CDKL3: variants seen among roughly 807,000 people sequenced by gnomAD.
The protein encoded by CDKL3 is cyclin-dependent kinase-like 3.
A neutral mutation model predicts 69.3 loss-of-function variants in CDKL3; 65 were observed. That is an observed-to-expected ratio of 0.94 (90% CI 0.77 to 1.15). The LOEUF is 1.15. CDKL3 is among the 50% of genes most tolerant of loss of function. The pLI is 0.00. For missense variants in CDKL3, 652 were observed against 689.2 expected (o/e 0.95, Z 0.61); for synonymous variants, 202 against 221.6 (o/e 0.91, Z 0.79).
chr5:134,355,886 G>A (rs1386133026), intron 3 of CDKL3, among the ~76,000 whole-genome samples: 4 of 152,108 alleles, frequency 2.6e-5, no homozygotes, highest in Non-Finnish European at 4.4e-5. Context: ...TCTAGTCCCC[G>A]CTTCCATCAC....
At chr5:134,292,108 C>T (rs917135310) in intron 8 of CDKL3, among the ~76,000 whole-genome samples, 4 of 152,110 alleles carry the variant, frequency 2.6e-5, no homozygotes, top group Non-Finnish European at 4.4e-5. Context: ...TATTTAAATG[C>T]ACCATCAACC....
chr5:134,284,728 T>G (rs541614297), downstream of CDKL3, among the ~76,000 whole-genome samples: 1 of 152,320 alleles, frequency 6.6e-6, no homozygotes, highest in African/African-American at 2.4e-5. Context: ...CCCAGGGTTA[T>G]TCCTTGCTGG....
At chr5:134,324,990 G>A (rs912971212) in intron 4 of CDKL3, among the ~76,000 whole-genome samples, 1 of 152,092 alleles carries the variant, frequency 6.6e-6, no homozygotes, top group Non-Finnish European at 1.5e-5. Context: ...CCTAAAACTG[G>A]TCTAAAAATT....
rs913447726 is a variant in CDKL3 at position 134,299,767 on chromosome 5, A to G, written c.1720-1057T>C. On this transcript the variant is annotated intron_variant, in intron 12 of 12. Coordinates refer to ENST00000265334, the MANE Select transcript of CDKL3 (RefSeq NM_001113575.2). ...TCCTGTATTCTAAAAAGTAAATAGA[A>G]ACAGGTCTTTAATTGAGGACATGGT... 3.4e-6 allele frequency: 5 copies of G among 1,475,988 alleles called. No homozygotes were observed. In the African/African-American group the frequency reaches 5.6e-5, roughly 16 times the overall value. 91.4% of individuals were successfully genotyped at this position (1,475,988 alleles called of 1,614,324 possible). A position where few individuals can be genotyped will look rare whatever the true frequency, so the allele number is the denominator to read the frequency against.
intron 4 of CDKL3, among the ~76,000 whole-genome samples, chr5:134,336,662 G>C (rs535457371): frequency 6.6e-6 from 1 of 152,326 alleles, no homozygotes; most frequent in South Asian, 2.1e-4. Flanking sequence ...GGAGGCTGCA[G>C]AACAGCAAAT....
At chr5:134,323,567 AAT>A (rs1464417589) in intron 4 of CDKL3, among the ~76,000 whole-genome samples, 1 of 152,198 alleles carries the variant, frequency 6.6e-6, no homozygotes, top group Non-Finnish European at 1.5e-5. Flanking sequence ...GACTTGCACA[AAT>A]GTGCTCAACT....
chr5:134,328,356 C>T (rs1039714767), intron 4 of CDKL3, among the ~76,000 whole-genome samples: 14 of 151,836 alleles, frequency 9.2e-5, no homozygotes, highest in Admixed American at 6.6e-4. Context: ...AAAGAAGAAC[C>T]AAGTGGAAAC....
rs547813951 is a variant in CDKL3 at position 134,308,795 on chromosome 5, A to T, written c.882-68T>A. ...GCAGATGGAGTATTTTATCTTGAAT[A>T]AACCATTTCATCAATTAATGTACAT... On this transcript the variant is annotated intron_variant, in intron 7 of 12. Coordinates refer to ENST00000265334, the MANE Select transcript of CDKL3 (RefSeq NM_001113575.2). 3.6e-5 allele frequency: 46 copies of T among 1,291,468 alleles called. 2 individuals are homozygous for T. The South Asian group carries it at 7.1e-4, about 20-fold the overall frequency. The allele number at this position is 1,291,468 out of a possible 1,614,324, so 80.0% of individuals were successfully genotyped here.
intron 4 of CDKL3, among the ~76,000 whole-genome samples, chr5:134,344,158 G>T (rs1180469806): frequency 6.6e-6 from 1 of 152,152 alleles, no homozygotes; most frequent in Non-Finnish European, 1.5e-5. Context: ...AACTCAAATG[G>T]ATCAGACTTG....
intron 4 of CDKL3, among the ~76,000 whole-genome samples, chr5:134,334,196 CTCT>C (rs1013730986): frequency 1.3e-5 from 2 of 151,738 alleles, no homozygotes; most frequent in Non-Finnish European, 2.9e-5. Flanking sequence ...TGATTCTTCT[CTCT>C]TCTTTATTAG....
chr5:134,314,162 G>A (rs1029874845), intron 6 of CDKL3, among the ~76,000 whole-genome samples: 6 of 151,662 alleles, frequency 4.0e-5, no homozygotes, highest in South Asian at 2.1e-4. Context: ...AAAACAAAAC[G>A]AAACAAACAA....
chr5:134,367,368 CTTTTTTT>C (rs57811547), upstream of CDKL3: 187 of 780,210 alleles, frequency 2.4e-4, no homozygotes, highest in Non-Finnish European at 2.6e-4. Context: ...GGATCTGCAT[CTTTTTTT>C]TTTTTTTTTT....
chr5:134,351,340 TG>T (rs1196212295), intron 3 of CDKL3, among the ~76,000 whole-genome samples: 2 of 152,184 alleles, frequency 1.3e-5, no homozygotes, highest in Non-Finnish European at 2.9e-5. Flanking sequence ...TTTTGTCACT[TG>T]GTTATAGGGA....
upstream of CDKL3, chr5:134,371,293 C>T: frequency 1.9e-6 from 1 of 517,600 alleles, no homozygotes; most frequent in Non-Finnish European, 3.5e-6. Flanking sequence ...ACAGAGAACA[C>T]AAATTTGTCT....
intron 5 of CDKL3, 90 bp from the exon 6 acceptor site, chr5:134,319,587 C>G (rs1228528657): frequency 9.3e-7 from 1 of 1,072,278 alleles, no homozygotes; most frequent in Non-Finnish European, 1.3e-6. Flanking sequence ...TGTTAGATTA[C>G]TAAAAACTGA....
upstream of CDKL3, among the ~76,000 whole-genome samples, chr5:134,369,046 C>T (rs1758046266): frequency 6.6e-6 from 1 of 152,044 alleles, no homozygotes; most frequent in South Asian, 2.1e-4. Context: ...AAAAATTTGC[C>T]CAGGACAAAG....
In CDKL3 at chr5:134,308,371, C is replaced by T; in HGVS notation, c.1131G>A (p.Glu377=). 4 of 1,613,840 alleles carry T rather than the reference C, an allele frequency of 2.5e-6. No individual in the cohort carries two copies. The highest frequency in any genetic ancestry group is 2.5e-6 in the Non-Finnish European group (3 of 1,179,778). The change falls in exon 9 of 13, where the codon GAG becomes GAA. Residue 377 remains glutamate (E), a synonymous_variant. Transcript: ENST00000265334. The part of the protein sequence containing the change: ...RGDISEPKKK[E]YEGGLGQQDA... ...CCTGTTGACCAAGTCCACCTTCATA[C>T]TCTTTCTTTTTTGGTTCTGAGATAT...
chr5:134,295,292 C>G (rs1765301338), downstream of CDKL3, among the ~76,000 whole-genome samples: 1 of 152,108 alleles, frequency 6.6e-6, no homozygotes, highest in African/African-American at 2.4e-5. Context: ...GCCAGGATGA[C>G]AGGTGCAAGC....
chr5:134,345,148 TA>T (rs1751545932), intron 4 of CDKL3, among the ~76,000 whole-genome samples: 2 of 152,038 alleles, frequency 1.3e-5, no homozygotes, highest in African/African-American at 4.8e-5. Flanking sequence ...TTCAGAGGTA[TA>T]GGGGTGTCAT....
Sources: allele counts gnomAD v4.1 joint callset (sites outside exome capture counted in the v4.1 genomes callset), GRCh38; gene constraint gnomAD v4.1.1; transcripts MANE v1.5; gene names NCBI Gene and HGNC (gene_info 2026-07-23, HGNC 2026-07-21).